ANO10: variants seen among roughly 807,000 people sequenced by gnomAD.
ANO10 encodes anoctamin 10.
In ANO10, 77 loss-of-function variants were observed where a neutral mutation model predicts 74.7. The ratio of observed to expected loss-of-function variants is 1.03; its 90% confidence interval spans 0.86 to 1.25. The LOEUF is 1.25. ANO10 is among the 50% of genes most tolerant of loss of function. The pLI is 0.00. For synonymous variants in ANO10, 279 were observed against 284.9 expected, an observed-to-expected ratio of 0.98 and a Z score of 0.21; for missense variants, 721 against 778.1, an observed-to-expected ratio of 0.93 and a Z score of 0.87.
At chr3:43,411,326 G>C (rs1275875193) in intron 12 of ANO10, among the ~76,000 whole-genome samples, 1 of 152,138 alleles carries the variant, frequency 6.6e-6, no homozygotes, top group East Asian at 1.9e-4. Context: ...TCCTGTAAGA[G>C]AAACTTGCCT....
chr3:43,435,719 C>T (rs1359604307), intron 11 of ANO10, among the ~76,000 whole-genome samples: 2 of 152,164 alleles, frequency 1.3e-5, no homozygotes, highest in East Asian at 3.8e-4. Flanking sequence ...TGCTTTAATA[C>T]ACATTTTCTA....
At chr3:43,554,395 G>C (rs982729083) in intron 10 of ANO10, among the ~76,000 whole-genome samples, 3 of 151,948 alleles carry the variant, frequency 2.0e-5, no homozygotes, top group African/African-American at 7.3e-5. Context: ...GTTTCACCAT[G>C]TTGGCCAGGC....
At chr3:43,546,645 T>TAA (rs74460231) in intron 11 of ANO10, among the ~76,000 whole-genome samples, 2 of 144,098 alleles carry the variant, frequency 1.4e-5, no homozygotes, top group African/African-American at 5.1e-5. Flanking sequence ...TAATAGAAAT[T>TAA]AAAAAAAAAA....
chr3:43,676,630 C>G (rs1415714165), intron 1 of ANO10, among the ~76,000 whole-genome samples: 1 of 152,004 alleles, frequency 6.6e-6, no homozygotes, highest in African/African-American at 2.4e-5. Context: ...TGGAAATGTT[C>G]CACATATGTA....
chr3:43,674,658 T>C (rs1303612144), intron 1 of ANO10, among the ~76,000 whole-genome samples: 1 of 152,180 alleles, frequency 6.6e-6, no homozygotes, highest in Non-Finnish European at 1.5e-5. Flanking sequence ...AGGAGTGCTC[T>C]TGCAATCAAC....
chr3:43,455,312 T>C (rs1054358518), intron 11 of ANO10, among the ~76,000 whole-genome samples: 4 of 151,850 alleles, frequency 2.6e-5, no homozygotes, highest in Non-Finnish European at 4.4e-5. Context: ...CTATTTGAGG[T>C]CAGTGATTAG....
At chr3:43,507,306 T>C (rs2077331968) in intron 11 of ANO10, among the ~76,000 whole-genome samples, 1 of 152,082 alleles carries the variant, frequency 6.6e-6, no homozygotes, top group African/African-American at 2.4e-5. Context: ...GGTTGTATTC[T>C]TCCCCTTCCC....
chr3:43,584,564 G>C (rs965645813), intron 4 of ANO10, among the ~76,000 whole-genome samples: 1 of 152,058 alleles, frequency 6.6e-6, no homozygotes, highest in Non-Finnish European at 1.5e-5. Context: ...GAGAGCTGCT[G>C]AATAAAACTA....
chr3:43,663,921 A>C (rs1216759733), intron 1 of ANO10, among the ~76,000 whole-genome samples: 1 of 152,246 alleles, frequency 6.6e-6, no homozygotes, highest in African/African-American at 2.4e-5. Flanking sequence ...GCTCATGGAT[A>C]GGAAGAATCA....
At chr3:43,494,229 G>A (rs922691837) in intron 11 of ANO10, among the ~76,000 whole-genome samples, 1 of 152,146 alleles carries the variant, frequency 6.6e-6, no homozygotes, top group African/African-American at 2.4e-5. Context: ...TGAGGCAGGC[G>A]GATCACCTGA....
At chr3:43,680,881 G>A (rs2084187040) in intron 1 of ANO10, among the ~76,000 whole-genome samples, 1 of 152,176 alleles carries the variant, frequency 6.6e-6, no homozygotes, top group Admixed American at 6.5e-5. Flanking sequence ...CAAATGCTGA[G>A]AGATTTTGTC....
intron 12 of ANO10, among the ~76,000 whole-genome samples, chr3:43,373,896 A>G (rs564872217): frequency 2.6e-5 from 4 of 152,344 alleles, no homozygotes; most frequent in African/African-American, 9.6e-5. Context: ...GGTCTGGGAA[A>G]TGTCGTCAGA....
At chr3:43,520,761 C>G (rs2077918005) in intron 11 of ANO10, among the ~76,000 whole-genome samples, 1 of 151,976 alleles carries the variant, frequency 6.6e-6, no homozygotes, top group Admixed American at 6.6e-5. Context: ...ATTCTGGGTT[C>G]CTTGCATTTC....
chr3:43,449,702 G>C (rs985431525), intron 11 of ANO10, among the ~76,000 whole-genome samples: 1 of 151,036 alleles, frequency 6.6e-6, no homozygotes, highest in Non-Finnish European at 1.5e-5. Context: ...TAGCTTTACA[G>C]CAAGTTTCGA....
intron 11 of ANO10, among the ~76,000 whole-genome samples, chr3:43,443,679 C>CCTTTTTTTTTTTTTTTTTTTTTT (rs373424427): frequency 2.5e-5 from 3 of 122,034 alleles, no homozygotes; most frequent in Non-Finnish European, 3.2e-5. Flanking sequence ...TTCCTTCCTT[C>CCTTTTTTTTTTTTTTTTTTTTTT]TTTTTTTTTT....
intron 12 of ANO10, among the ~76,000 whole-genome samples, chr3:43,430,745 CTTT>C (rs2092968321): frequency 6.6e-6 from 1 of 151,926 alleles, no homozygotes; most frequent in African/African-American, 2.4e-5. Context: ...CATTTTTCTT[CTTT>C]ATCAGAAGTT....
At chr3:43,470,323 G>A (rs2075799178) in intron 11 of ANO10, among the ~76,000 whole-genome samples, 1 of 152,146 alleles carries the variant, frequency 6.6e-6, no homozygotes, top group Non-Finnish European at 1.5e-5. Flanking sequence ...TGGGCTATGG[G>A]GAGTATGGGA....
chr3:43,477,551 A>T (rs1245784718), intron 11 of ANO10, among the ~76,000 whole-genome samples: 2 of 152,214 alleles, frequency 1.3e-5, no homozygotes, highest in African/African-American at 4.8e-5. Flanking sequence ...TCATTTGCAA[A>T]TCAAACGGAA....
chr3:43,463,159 A>C (rs2075459872), intron 11 of ANO10, among the ~76,000 whole-genome samples: 1 of 152,162 alleles, frequency 6.6e-6, no homozygotes. Context: ...AAAGAGGGCC[A>C]CTGTCCCCCA....
Sources: allele counts gnomAD v4.1 joint callset (sites outside exome capture counted in the v4.1 genomes callset), GRCh38; gene constraint gnomAD v4.1.1; transcripts MANE v1.5; gene names NCBI Gene and HGNC (gene_info 2026-07-23, HGNC 2026-07-21).